Variants in KCNJ5 observed in about 807,000 individuals in gnomAD.
The protein encoded by KCNJ5 is potassium inwardly rectifying channel subfamily J member 5.
In KCNJ5, 12 loss-of-function variants were observed where a neutral mutation model predicts 20.2. The ratio of observed to expected loss-of-function variants is 0.59; its 90% CI spans 0.38 to 0.96. The LOEUF (loss-of-function observed/expected upper bound fraction) is 0.96. Among genes scored for constraint, KCNJ5 ranks in the 40% least tolerant of loss-of-function variants. The probability of loss-of-function intolerance (pLI) is 0.00; values close to 1 mark genes in which losing one functional copy is unlikely to be tolerated. For synonymous variants in KCNJ5, 210 were observed against 213.9 expected (o/e 0.98, Z 0.16); for missense variants, 449 against 557.6 (o/e 0.81, Z 1.96).
intron 1 of KCNJ5, among the ~76,000 whole-genome samples, chr11:128,910,190 T>C (rs1239888396): frequency 1.3e-5 from 2 of 152,200 alleles, no homozygotes; most frequent in Non-Finnish European, 1.5e-5. Flanking sequence ...CCCAACTGAA[T>C]GAGAGTCTTA....
In KCNJ5 at chr11:128,902,257, G is replaced by T. The variant is rs990515622; in HGVS notation, c.-10-9007G>T. On this transcript the variant is annotated intron_variant, in intron 1 of 2. Coordinates refer to ENST00000529694, the MANE Select transcript of KCNJ5 (RefSeq NM_000890.5). ...GGTAATCAGCATCCATTACATCGGC[G>T]CCAGGAACCAGCTCAGGAGGCCACC... 6.7e-6 allele frequency: 3 copies of T among 450,458 alleles called. No individual in the cohort carries two copies. The South Asian group carries it at 7.8e-5, about 12-fold the overall frequency. The allele number at this position is 450,458 out of a possible 1,614,324, so 27.9% of individuals were successfully genotyped here.
intron 1 of KCNJ5, chr11:128,901,387 AAC>A (rs112364282): frequency 0.064 from 9,715 of 152,096 alleles, 359 homozygotes; most frequent in Middle Eastern, 0.14. Context: ...AGTGCACGCA[AAC>A]ACACACACAC....
In KCNJ5 at chr11:128,916,949, C is replaced by A; in HGVS notation, c.*218C>A. The A allele has an allele frequency of 1.8e-6, 1 of 545,126 alleles. No homozygotes were observed. Among genetic ancestry groups the A allele is most frequent in the South Asian group, 2.6e-5 (1 of 38,532 alleles). 33.8% of individuals were successfully genotyped at this position (545,126 alleles called of 1,614,324 possible). A position where few individuals can be genotyped will look rare whatever the true frequency, so the allele number is the denominator to read the frequency against. On this transcript the variant is annotated 3_prime_UTR_variant, in exon 3 of 3. Coordinates refer to ENST00000529694, the MANE Select transcript of KCNJ5 (RefSeq NM_000890.5). ...GCCTGGGCCCCCCATGGCAGTGCTGCCTCTTGTAGGTGCTGGCTAAGGGCC... is the reference window on the plus strand; with the variant it reads ...GCCTGGGCCCCCCATGGCAGTGCTGACTCTTGTAGGTGCTGGCTAAGGGCC...
chr11:128,897,850 CT>C (rs1293205544), intron 1 of KCNJ5, among the ~76,000 whole-genome samples: 2 of 152,120 alleles, frequency 1.3e-5, no homozygotes, highest in East Asian at 1.9e-4. Context: ...GGTCAAGGTT[CT>C]TTTTTTTGCC....
chr11:128,912,106 A>G lies in KCNJ5; in HGVS notation c.833A>G (p.His278Arg). The G allele has an allele frequency of 6.2e-7, 1 of 1,613,618 alleles. No individual in the cohort carries two copies. Among genetic ancestry groups the G allele is most frequent in the Non-Finnish European group, 8.5e-7 (1 of 1,179,962 alleles). Residue 278 changes from histidine (H) to arginine (R), a missense_variant, in exon 2 of 3, where the codon CAT (histidine) becomes CGT (arginine). His to Arg is a conservative substitution (Grantham distance 29). Around this residue, in one of 5 missense-constraint regions of KCNJ5, gnomAD observed 145 missense variants for 166.2 expected, o/e 0.87. Coordinates refer to ENST00000529694, the MANE Select transcript of KCNJ5 (RefSeq NM_000890.5). ...CTTGTGTCTCCTCTGATCATCTCCC[A>G]TGAGATCAACCAGAAGAGCCCTTTC... Reference protein sequence around the residue: ...LFLVSPLIISHEINQKSPFWE... With the variant: ...LFLVSPLIISREINQKSPFWE...
At chr11:128,904,474 C>A in intron 1 of KCNJ5, 1 of 1,610,564 alleles carries the variant, frequency 6.2e-7, no homozygotes, top group Non-Finnish European at 8.5e-7. Flanking sequence ...TAGGCATCAG[C>A]ACGTTGTCCA....
At chr11:128,901,378 G>C (rs921569301) in intron 1 of KCNJ5, 1 of 151,604 alleles carries the variant, frequency 6.6e-6, no homozygotes, top group African/African-American at 2.4e-5. Flanking sequence ...GTCCAGAGTA[G>C]TGCACGCAAA....
At chr11:128,908,900 T>C (rs1944463000) in intron 1 of KCNJ5, among the ~76,000 whole-genome samples, 1 of 152,090 alleles carries the variant, frequency 6.6e-6, no homozygotes, top group South Asian at 2.1e-4. Context: ...TGAGCATCTG[T>C]GATTGAGTTT....
At chr11:128,904,477 G>A in intron 1 of KCNJ5, 1 of 1,608,828 alleles carries the variant, frequency 6.2e-7, no homozygotes, top group Non-Finnish European at 8.5e-7. Context: ...GCATCAGCAC[G>A]TTGTCCAGCT....
intron 1 of KCNJ5, among the ~76,000 whole-genome samples, chr11:128,895,770 G>A (rs1054362146): frequency 2.6e-5 from 4 of 152,266 alleles, no homozygotes; most frequent in East Asian, 3.8e-4. Flanking sequence ...CGTGCTGCGC[G>A]CCCTTAGGGA....
At position 128,907,609 on chromosome 11, in the gene KCNJ5, C is replaced by A. The variant is rs555416523; in HGVS notation, c.-10-3655C>A. On this transcript the variant is annotated intron_variant, in intron 1 of 2. Transcript: ENST00000529694. ...TCATGTCTCAACACAGCTTCCCATT[C>A]ACAGACACAGGAGAGGATGGAAGAA... Among the ~76,000 whole-genome samples, 148 of 152,336 alleles carry A rather than the reference C, an allele frequency of 9.7e-4. 1 individual carries two copies. The highest frequency in any genetic ancestry group is 4.8e-3 in the South Asian group (23 of 4,830).
At chr11:128,904,439 G>A in intron 1 of KCNJ5, 3 of 1,614,124 alleles carry the variant, frequency 1.9e-6, no homozygotes, top group Non-Finnish European at 2.5e-6. Context: ...ACCTGTTGGA[G>A]TCACCTGGGG....
At chr11:128,912,667 C>T (rs11221511) in intron 2 of KCNJ5, among the ~76,000 whole-genome samples, 13,088 of 152,140 alleles carry the variant, frequency 0.086, 671 homozygotes, top group East Asian at 0.23. Context: ...CCCGCCACTG[C>T]GCCTGGCTAA....
At chr11:128,904,087 A>T (rs1434879660) in intron 1 of KCNJ5, among the ~76,000 whole-genome samples, 2 of 152,222 alleles carry the variant, frequency 1.3e-5, no homozygotes, top group East Asian at 1.9e-4. Flanking sequence ...GGCGACTAAA[A>T]CGGACTTAAT....
chr11:128,902,216 C>T (rs1280945207), intron 1 of KCNJ5: 10 of 361,152 alleles, frequency 2.8e-5, no homozygotes, highest in South Asian at 8.8e-5. Flanking sequence ...GTCCCTTCCA[C>T]GATGCCCTCA....
intron 1 of KCNJ5, chr11:128,900,119 A>T (rs1438849391): frequency 4.6e-5 from 7 of 152,198 alleles, no homozygotes; most frequent in Non-Finnish European, 1.0e-4. Flanking sequence ...AAAATTGCTG[A>T]ATATATTTAG....
At chr11:128,916,261 G>C (rs1944580139) in intron 2 of KCNJ5, 148 bp from the exon 3 acceptor site, 1 of 679,358 alleles carries the variant, frequency 1.5e-6, no homozygotes, top group African/African-American at 1.8e-5. Flanking sequence ...TGGATGGATG[G>C]ATGGATGGAT....
chr11:128,905,250 C>T (rs1257042407), intron 1 of KCNJ5, among the ~76,000 whole-genome samples: 1 of 152,196 alleles, frequency 6.6e-6, no homozygotes, highest in African/African-American at 2.4e-5. Flanking sequence ...CCGCAGGCCC[C>T]TCCTGGCTCT....
At chr11:128,912,991 A>G (rs1944525494) in intron 2 of KCNJ5, among the ~76,000 whole-genome samples, 1 of 152,202 alleles carries the variant, frequency 6.6e-6, no homozygotes, top group Non-Finnish European at 1.5e-5. Context: ...TTCTACCCAG[A>G]AGAGCTCCCT....
Sources: allele counts gnomAD v4.1 joint callset (sites outside exome capture counted in the v4.1 genomes callset), GRCh38; gene constraint gnomAD v4.1.1; regional missense constraint gnomAD v4.1.1; transcripts MANE v1.5; gene names NCBI Gene and HGNC (gene_info 2026-07-23, HGNC 2026-07-21).